NUTM1: variants seen among roughly 807,000 people sequenced by gnomAD.
NUTM1 encodes the protein NUT family member 1.
NUTM1 carries 39 observed loss-of-function variants against 88.7 expected under a neutral mutation model. That is an observed-to-expected ratio of 0.44 (90% CI 0.34 to 0.57). The LOEUF (loss-of-function observed/expected upper bound fraction) is 0.57, where lower values mean the gene tolerates loss of function less well. Ranked by LOEUF, NUTM1 falls within the 20% of genes least tolerant of loss-of-function variation. The pLI is 0.01. For synonymous variants in NUTM1, 494 were observed against 538.0 expected (o/e 0.92, Z 1.13); for missense variants, 1,350 against 1,414.5 (o/e 0.95, Z 0.73).
Position 34,357,362 on chromosome 15 carries a change from A to C in NUTM1, c.3354A>C (p.Ser1118=). 2 of 1,614,200 alleles carry C rather than the reference A, an allele frequency of 1.2e-6. No individual in the cohort carries two copies. Among genetic ancestry groups the C allele is most frequent in the Non-Finnish European group, 1.7e-6 (2 of 1,180,032 alleles). Residue 1118 remains serine, a synonymous_variant, in exon 8 of 8, where the codon TCA becomes TCC. Coordinates refer to ENST00000537011, the MANE Select transcript of NUTM1 (RefSeq NM_001284292.2). ...CCCCTACTGAAAAGACACCCCACTC[A>C]GGAGCTCAACTTGGGGTCCCCAGGG... ...GPAPTEKTPH[S]GAQLGVPREK...
rs1175013674 is a variant in NUTM1, at chr15:34,356,026, C to T, written c.2018C>T (p.Pro673Leu). The T allele has an allele frequency of 1.9e-6, 3 of 1,614,034 alleles. No individual in the cohort carries two copies. The highest frequency in any genetic ancestry group is 2.2e-5 in the East Asian group (1 of 44,876). The change falls in exon 8 of 8, where the codon CCT becomes CTT. Residue 673 changes from proline to leucine, a missense_variant. This residue lies in a region of NUTM1 where 730 missense variants were observed against 728.8 expected (regional missense o/e 1.00). Transcript: ENST00000537011. The stretch of plus-strand genomic sequence containing the variant: ...GATGCTGGACTTGCAGAGCTGGCTC[C>T]TCTGCAAGGACAAGGGTTAGAAAAG... ...SLDAGLAELA[P>L]LQGQGLEKQV...
intron 2 of NUTM1, among the ~76,000 whole-genome samples, chr15:34,347,570 T>C (rs1028912071): frequency 6.6e-6 from 1 of 150,576 alleles, no homozygotes; most frequent in Non-Finnish European, 1.5e-5. Context: ...TACAAAAAAA[T>C]TTAAAAATAA....
At chr15:34,350,338 G>C (rs1327029940) in intron 3 of NUTM1, among the ~76,000 whole-genome samples, 3 of 152,204 alleles carry the variant, frequency 2.0e-5, no homozygotes, top group Non-Finnish European at 4.4e-5. Flanking sequence ...CTTTGGACAA[G>C]GTTAAACATA....
Position 34,355,878 on chromosome 15 carries a change from C to T in NUTM1, c.1870C>T (p.His624Tyr), listed in dbSNP as rs767890324. Residue 624 changes from histidine (H) to tyrosine (Y), a missense_variant, in exon 8 of 8, where the codon CAT becomes TAT. Physicochemically the swap from His to Tyr is moderately conservative, Grantham distance 83. Around this residue, in one of 5 missense-constraint regions of NUTM1, gnomAD observed 730 missense variants for 728.8 expected, o/e 1.00. Coordinates refer to ENST00000537011, the MANE Select transcript of NUTM1 (RefSeq NM_001284292.2). This position sits in a 1 kb window ranked among gnomAD's most constrained non-coding sequence, Gnocchi z 4.3. ...SGKVINQVSL[H>Y]QDGHLGGAGP... ...GAAGGTTATAAACCAGGTATCTCTA[C>T]ATCAGGATGGCCATCTAGGAGGCGC... 5 of 1,613,922 alleles carry T rather than the reference C, an allele frequency of 3.1e-6. No homozygotes were observed. The highest frequency in any genetic ancestry group is 2.2e-5 in the South Asian group (2 of 91,086).
intron 1 of NUTM1, among the ~76,000 whole-genome samples, chr15:34,345,354 C>T (rs1890566821): frequency 6.6e-6 from 1 of 152,180 alleles, no homozygotes; most frequent in Non-Finnish European, 1.5e-5. Context: ...GGCTTTTCAG[C>T]AAAGGGTAAG....
Position 34,356,120 on chromosome 15 carries a change from T to C in NUTM1, c.2112T>C (p.Pro704=). 6.2e-7 allele frequency: 1 copy of C among 1,613,446 alleles called. No individual in the cohort carries two copies. Among genetic ancestry groups the C allele is most frequent in the Non-Finnish European group, 8.5e-7 (1 of 1,179,536 alleles). The change falls in exon 8 of 8, where the codon CCT becomes CCC. Residue 704 remains proline (P), a synonymous_variant. Transcript: ENST00000537011. ...GRGVLPQGKE[P]LAVPWEGSSG... ...GAGTGCTTCCTCAAGGGAAGGAGCCTTTAGCAGTGCCCTGGGAAGGCTCTT... is the reference window on the plus strand; with the variant it reads ...GAGTGCTTCCTCAAGGGAAGGAGCCCTTAGCAGTGCCCTGGGAAGGCTCTT...
intron 1 of NUTM1, among the ~76,000 whole-genome samples, chr15:34,344,463 A>C (rs1275284905): frequency 1.4e-5 from 2 of 147,124 alleles, no homozygotes; most frequent in Non-Finnish European, 3.0e-5. Context: ...AGATCACGCC[A>C]CTGCACTCCA....
intron 3 of NUTM1, 143 bp downstream of exon 3, chr15:34,348,820 A>G: frequency 6.5e-6 from 4 of 615,030 alleles, no homozygotes; most frequent in Non-Finnish European, 1.1e-5. Flanking sequence ...TGAAAAACAT[A>G]TTAATAATAA....
At position 34,354,663 on chromosome 15, in the gene NUTM1, G is replaced by C; in HGVS notation, c.1293G>C (p.Gly431=). The stretch of plus-strand genomic sequence containing the variant: ...AAGGGCAGCAGCAGGAGGAGGAAGG[G>C]ATGTATCCAGATCCAGGTCTCCTGA... ...EEEGQQQEEE[G]MYPDPGLLSY... Residue 431 remains glycine (G), a synonymous_variant, in exon 6 of 8, where the codon GGG becomes GGC. Coordinates refer to ENST00000537011, the MANE Select transcript of NUTM1 (RefSeq NM_001284292.2). 1.2e-6 allele frequency: 2 copies of C among 1,614,172 alleles called. No individual in the cohort carries two copies. Among genetic ancestry groups the C allele is most frequent in the Non-Finnish European group, 1.7e-6 (2 of 1,180,028 alleles).
At position 34,347,896 on chromosome 15, in the gene NUTM1, AT is replaced by A. The variant is rs1890627619; in HGVS notation, c.101-72del. The A allele has an allele frequency of 8.4e-6, 6 of 710,418 alleles. No individual in the cohort carries two copies. The African/African-American group carries it at 1.1e-4, about 13-fold the overall frequency. 44.0% of individuals were successfully genotyped at this position (710,418 alleles called of 1,614,324 possible). On this transcript the variant is annotated intron_variant, in intron 2 of 7. Transcript: ENST00000537011. ...TAAAAATAAAAATAAAAATAAAAAAATGGGGAATTCAGATGGCTAACTCTGG... is the reference window on the plus strand; with the variant it reads ...TAAAAATAAAAATAAAAATAAAAAAAGGGGAATTCAGATGGCTAACTCTGG...
In NUTM1 at chr15:34,343,352, G is replaced by GGGATGGATGT; in HGVS notation, c.-340_-331dup. 6 of 611,490 alleles carry GGGATGGATGT rather than the reference G, an allele frequency of 9.8e-6. No homozygotes were observed. The South Asian group carries it at 1.2e-4, about 12-fold the overall frequency. 37.9% of individuals were successfully genotyped at this position (611,490 alleles called of 1,614,324 possible). On this transcript the variant is annotated 5_prime_UTR_variant, in exon 1 of 8. In the 5' UTR this introduces an upstream ATG that the reference lacks. Coordinates refer to ENST00000537011, the MANE Select transcript of NUTM1 (RefSeq NM_001284292.2). ...AGGTACACGGCGTTAGAGGGGGGTA[G>GGGATGGATGT]GGATGGATGTGGATAGAATATTGAC... is the stretch of plus-strand genomic sequence containing the variant.
At position 34,348,585 on chromosome 15, in the gene NUTM1, T is replaced by C. The variant is rs2140154083; in HGVS notation, c.717T>C (p.Tyr239=). The change falls in exon 3 of 8, where the codon TAT becomes TAC. Residue 239 remains tyrosine (Y), a synonymous_variant. Transcript: ENST00000537011. ...GDRSKISKDV[Y]ENFRQWQRYK... ...GCTCCAAAATTTCCAAGGACGTTTA[T>C]GAGAACTTCCGTCAGTGGCAGCGTT... is the stretch of plus-strand genomic sequence containing the variant. 1 of 1,613,024 alleles carries C rather than the reference T, an allele frequency of 6.2e-7. No homozygotes were observed. The highest frequency in any genetic ancestry group is 1.7e-4 in the Middle Eastern group (1 of 6,060).
chr15:34,343,511 C>T lies in NUTM1; in HGVS notation c.-186C>T. 1.5e-6 allele frequency: 2 copies of T among 1,361,230 alleles called. No individual in the cohort carries two copies. Among genetic ancestry groups the T allele is most frequent in the South Asian group, 2.7e-5 (2 of 75,350 alleles). 84.3% of individuals were successfully genotyped at this position (1,361,230 alleles called of 1,614,324 possible). Reference sequence around the variant, plus strand: ...GAAGAAAGAAGAGGTTTTCTTCCCTCCCCTCTTTTACATCCAGTTCCCCTG... The same window carrying T: ...GAAGAAAGAAGAGGTTTTCTTCCCTTCCCTCTTTTACATCCAGTTCCCCTG... On this transcript the variant is annotated 5_prime_UTR_variant, in exon 1 of 8. Transcript: ENST00000537011.
Position 34,357,042 on chromosome 15 carries a change from G to A in NUTM1, c.3034G>A (p.Val1012Ile). Residue 1012 changes from valine (V) to isoleucine (I), a missense_variant, in exon 8 of 8, where the codon GTT (valine) becomes ATT (isoleucine). Physicochemically the swap from Val to Ile is conservative, Grantham distance 29. Around this residue, in one of 5 missense-constraint regions of NUTM1, gnomAD observed 730 missense variants for 728.8 expected, o/e 1.00. Coordinates refer to ENST00000537011, the MANE Select transcript of NUTM1 (RefSeq NM_001284292.2). ...TAGAAGGGGAACCAGGAATGCCATA[G>A]TTCCGAGAGAAACTTCTGTTAGTAA... Reference protein sequence around the residue: ...LPRRGTRNAIVPRETSVSKTH... With the variant: ...LPRRGTRNAIIPRETSVSKTH... 1 of 1,614,080 alleles carries A rather than the reference G, an allele frequency of 6.2e-7. No homozygotes were observed. The highest frequency in any genetic ancestry group is 8.5e-7 in the Non-Finnish European group (1 of 1,180,018).
At chr15:34,345,734 C>T in intron 1 of NUTM1, 1 of 607,652 alleles carries the variant, frequency 1.6e-6, no homozygotes, top group Non-Finnish European at 2.7e-6. Context: ...AGGCAAACAT[C>T]AATTGTGTTG....
At position 34,357,568 on chromosome 15, in the gene NUTM1, C is replaced by T; in HGVS notation, c.*77C>T. ...CCAGAGTAGATTCCACCCCTGCTGC[C>T]CACCAATGGAGAATCCCAATGTTGA... On this transcript the variant is annotated 3_prime_UTR_variant, in exon 8 of 8. Coordinates refer to ENST00000537011, the MANE Select transcript of NUTM1 (RefSeq NM_001284292.2). The T allele has an allele frequency of 6.2e-7, 1 of 1,605,658 alleles. No homozygotes were observed. The highest frequency in any genetic ancestry group is 8.5e-7 in the Non-Finnish European group (1 of 1,179,660).
chr15:34,353,753 C>T lies in NUTM1; in HGVS notation c.956C>T (p.Ala319Val). The stretch of plus-strand genomic sequence containing the variant: ...CTCTGCAGGTTCATGGAGTTTGAGG[C>T]TGAGGAGATGCAGATTCAGAACACA... ...EMAERFMEFE[A>V]EEMQIQNTQL... The change falls in exon 5 of 8, where the codon GCT becomes GTT. Residue 319 changes from alanine (A) to valine (V), a missense_variant. Around this residue, in one of 5 missense-constraint regions of NUTM1, gnomAD observed 6 missense variants for 21.9 expected, o/e 0.27. Coordinates refer to ENST00000537011, the MANE Select transcript of NUTM1 (RefSeq NM_001284292.2). 6.2e-7 allele frequency: 1 copy of T among 1,614,118 alleles called. No individual in the cohort carries two copies.
chr15:34,348,133 C>G lies in NUTM1; in HGVS notation c.265C>G (p.Leu89Val), dbSNP rs752993555. 1 of 1,614,238 alleles carries G rather than the reference C, an allele frequency of 6.2e-7. No homozygotes were observed. Among genetic ancestry groups the G allele is most frequent in the East Asian group, 2.2e-5 (1 of 44,878 alleles). Reference protein sequence around the residue: ...MPSVFSPDNPLMLSAFPSSLL... With the variant: ...MPSVFSPDNPVMLSAFPSSLL... ...TTCAGTATTCTCTCCAGACAACCCT[C>G]TGATGCTCTCTGCTTTCCCCAGCTC... The change falls in exon 3 of 8, where the codon CTG (leucine) becomes GTG (valine). Residue 89 changes from leucine (L) to valine (V), a missense_variant. Around this residue, in one of 5 missense-constraint regions of NUTM1, gnomAD observed 399 missense variants for 397.9 expected, o/e 1.00. Transcript: ENST00000537011.
chr15:34,356,482 T>C lies in NUTM1; in HGVS notation c.2474T>C (p.Leu825Pro). 3 of 1,613,774 alleles carry C rather than the reference T, an allele frequency of 1.9e-6. No individual in the cohort carries two copies. The highest frequency in any genetic ancestry group is 2.5e-6 in the Non-Finnish European group (3 of 1,179,854). Residue 825 changes from leucine to proline, a missense_variant, in exon 8 of 8, where the codon CTA becomes CCA. Physicochemically the swap from Leu to Pro is moderately conservative, Grantham distance 98 (BLOSUM62 -3). Around this residue, in one of 5 missense-constraint regions of NUTM1, gnomAD observed 730 missense variants for 728.8 expected, o/e 1.00. Transcript: ENST00000537011. ...GGAGGCACAGTTGCGGCAGCTGCCC[T>C]AGAAAAGAGAAACTATTGCAGCTTG... Reference protein sequence around the residue: ...PCGGTVAAAALEKRNYCSLPG... With the variant: ...PCGGTVAAAAPEKRNYCSLPG...
Sources: gnomAD v4.1 joint callset for allele counts (sites outside exome capture counted in the v4.1 genomes callset) on GRCh38, gnomAD v4.1.1 for gene constraint, gnomAD v4.1.1 regional missense constraint, Gnocchi (gnomAD v3.1) non-coding constraint, MANE v1.5 for transcripts, NCBI Gene and HGNC (gene_info 2026-07-23, HGNC 2026-07-21) for gene names.